Variants in ABCF3 observed in about 807,000 individuals in gnomAD.
The protein encoded by ABCF3 is ATP-binding cassette sub-family F member 3.
ABCF3 carries 62 observed loss-of-function variants against 94.3 expected under a neutral mutation model. The ratio of observed to expected loss-of-function variants is 0.66; its 90% CI spans 0.54 to 0.81. The LOEUF is 0.81. Ranked by LOEUF, ABCF3 falls within the 40% of genes least tolerant of loss-of-function variation. ABCF3 has a pLI of 0.00. For missense variants in ABCF3, 843 were observed against 925.3 expected (o/e 0.91, Z 1.15); for synonymous variants, 355 against 361.1 (o/e 0.98, Z 0.19).
At position 184,192,890 on chromosome 3, in the gene ABCF3, T is replaced by C; in HGVS notation, c.1744T>C (p.Phe582Leu). The C allele has an allele frequency of 2.5e-6, 4 of 1,614,040 alleles. No individual in the cohort carries two copies. The highest frequency in any genetic ancestry group is 3.4e-6 in the Non-Finnish European group (4 of 1,179,966). ...VSAVELLARKFPGRPEEEYRH... is the reference protein window; with the variant it reads ...VSAVELLARKLPGRPEEEYRH... ...TGCTGTGGAACTGCTGGCACGCAAG[T>C]TTCCTGGTGAGTTAGGGATTTGAGT... The change falls in exon 18 of 21, where the codon TTT becomes CTT. Residue 582 changes from phenylalanine (F) to leucine (L), a missense_variant. Transcript: ENST00000429586.
intron 3 of ABCF3, 198 bp from the exon 4 acceptor site, chr3:184,187,199 T>G (rs769596134): frequency 9.9e-6 from 7 of 708,110 alleles, no homozygotes; most frequent in Non-Finnish European, 1.7e-5. Flanking sequence ...TGTCTATGCC[T>G]CTGTATCCTT....
intron 7 of ABCF3, 38 bp downstream of exon 7, chr3:184,188,445 G>A: frequency 6.3e-7 from 1 of 1,580,282 alleles, no homozygotes; most frequent in South Asian, 1.1e-5. Context: ...AGCAGCCGCT[G>A]TCGCTTACAG....
chr3:184,186,732 T>C (rs55940723), intron 2 of ABCF3, 64 bp from the exon 3 acceptor site: 235,805 of 1,591,778 alleles, frequency 0.15, 19,230 homozygotes, highest in South Asian at 0.17. Context: ...GGGAGGAAGA[T>C]CTGATGGCCA....
chr3:184,188,753 C>A lies in ABCF3; in HGVS notation c.837-8C>A. On this transcript the variant is annotated splice_region_variant and splice_polypyrimidine_tract_variant and intron_variant, in intron 7 of 20. Transcript: ENST00000429586. ...GCTTAGGCCAATTGCTGTTTCTCCTCCCTCCAGGGCGGAGGGCTCTGAAGC... is the reference window on the plus strand; with the variant it reads ...GCTTAGGCCAATTGCTGTTTCTCCTACCTCCAGGGCGGAGGGCTCTGAAGC... 1 of 1,613,626 alleles carries A rather than the reference C, an allele frequency of 6.2e-7. No individual in the cohort carries two copies. The highest frequency in any genetic ancestry group is 8.5e-7 in the Non-Finnish European group (1 of 1,179,688).
At chr3:184,187,531 G>A (rs1397879269) in intron 4 of ABCF3, 88 bp downstream of exon 4, 16 of 1,545,282 alleles carry the variant, frequency 1.0e-5, no homozygotes, top group Non-Finnish European at 1.4e-5. Context: ...GGGGATTTCT[G>A]ACTATGTCTT....
intron 14 of ABCF3, 192 bp downstream of exon 14, chr3:184,190,123 A>G: frequency 1.6e-6 from 1 of 610,632 alleles, no homozygotes. Flanking sequence ...CATGGCAACC[A>G]CTAATTTACT....
Position 184,193,591 on chromosome 3 carries a change from C to T in ABCF3, c.2023C>T (p.Arg675Trp), listed in dbSNP as rs752765756. ...TGAGCGCTTTATCAGGCTGGTGTGC[C>T]GGGAGTTGTGGGTATGCGAAGGAGG... ...HDERFIRLVCRELWVCEGGGV... is the reference protein window; with the variant it reads ...HDERFIRLVCWELWVCEGGGV... Residue 675 changes from arginine to tryptophan, a missense_variant, in exon 21 of 21, where the codon CGG (arginine) becomes TGG (tryptophan). Physicochemically the swap from Arg to Trp is moderately radical, Grantham distance 101. Transcript: ENST00000429586. This position sits in a 1 kb window ranked among gnomAD's most constrained non-coding sequence, Gnocchi z 5.2. 15 of 1,614,056 alleles carry T rather than the reference C, an allele frequency of 9.3e-6. No individual in the cohort carries two copies. Among genetic ancestry groups the T allele is most frequent in the Admixed American group, 1.7e-5 (1 of 60,002 alleles).
chr3:184,193,996 TC>T lies in ABCF3; in HGVS notation c.*302del. 6.0e-6 allele frequency: 2 copies of T among 332,956 alleles called. No homozygotes were observed. The highest frequency in any genetic ancestry group is 1.1e-5 in the Non-Finnish European group (2 of 180,864). 20.6% of individuals were successfully genotyped at this position (332,956 alleles called of 1,614,324 possible). On this transcript the variant is annotated 3_prime_UTR_variant, in exon 21 of 21. Transcript: ENST00000429586. The surrounding 1 kb of genome is among the most constrained non-coding windows in gnomAD (Gnocchi z 5.2). The stretch of plus-strand genomic sequence containing the variant: ...GTGGCTGCTATGTAAATTAAATCTC[TC>T]CCCGCGTCTCCTTTGCCTCATGTCT...
In ABCF3 at chr3:184,191,749, C is replaced by CTTTTTTTTTTT. The variant is rs375009324; in HGVS notation, c.1569+498_1569+508dup. On this transcript the variant is annotated intron_variant, in intron 16 of 20. Coordinates refer to ENST00000429586, the MANE Select transcript of ABCF3 (RefSeq NM_018358.3). ...GCATTTTTCTGTAGAGTTAGAGTTCCTTTTTTTTTTTTTTCGGAGACAGAG... is the reference window on the plus strand; with the variant it reads ...GCATTTTTCTGTAGAGTTAGAGTTCCTTTTTTTTTTTTTTTTTTTTTTTTTCGGAGACAGAG... Among the ~76,000 whole-genome samples, 21 of 114,708 alleles carry CTTTTTTTTTTT rather than the reference C, an allele frequency of 1.8e-4. 2 individuals carry two copies. Among genetic ancestry groups the CTTTTTTTTTTT allele is most frequent in the African/African-American group, 5.5e-4 (15 of 27,274 alleles). The allele number at this position is 114,708 out of a possible 152,430, so 75.3% of individuals were successfully genotyped here. A position where few individuals can be genotyped will look rare whatever the true frequency, so the allele number is the denominator to read the frequency against.
intron 3 of ABCF3, 72 bp from the exon 4 acceptor site, chr3:184,187,325 C>T (rs1300902646): frequency 6.4e-7 from 1 of 1,560,512 alleles, no homozygotes; most frequent in Non-Finnish European, 8.8e-7. Context: ...GTGCCTGGTT[C>T]CTATTAGTCA....
chr3:184,187,221 T>G, intron 3 of ABCF3, 176 bp from the exon 4 acceptor site: 3 of 696,644 alleles, frequency 4.3e-6, no homozygotes, highest in East Asian at 6.2e-5. Flanking sequence ...TACGTGAGTT[T>G]TGTTTTGTTT....
chr3:184,187,415 C>G lies in ABCF3; in HGVS notation c.320C>G (p.Pro107Arg). ...CTTACAGACTGTGGAACCAAACTTC[C>G]AGGACTGCTAAAGAGGGAACAGTCC... ...TENYDCGTKL[P>R]GLLKREQSST... Residue 107 changes from proline to arginine, a missense_variant, in exon 4 of 21, where the codon CCA becomes CGA. By Grantham distance (103) the Pro-to-Arg change is moderately radical. Coordinates refer to ENST00000429586, the MANE Select transcript of ABCF3 (RefSeq NM_018358.3). 1 of 1,613,772 alleles carries G rather than the reference C, an allele frequency of 6.2e-7. No individual in the cohort carries two copies. Among genetic ancestry groups the G allele is most frequent in the South Asian group, 1.1e-5 (1 of 91,074 alleles).
In ABCF3 at chr3:184,189,949, G is replaced by T; in HGVS notation, c.1391+18G>T. 4 of 1,613,592 alleles carry T rather than the reference G, an allele frequency of 2.5e-6. No individual in the cohort carries two copies. Among genetic ancestry groups the T allele is most frequent in the Non-Finnish European group, 3.4e-6 (4 of 1,179,506 alleles). ...GAGAAGCTGTGAGTACAGCATCCTT[G>T]GCCAGGGCCTGACTCCTGTTCTCTT... On this transcript the variant is annotated intron_variant, in intron 14 of 20. Coordinates refer to ENST00000429586, the MANE Select transcript of ABCF3 (RefSeq NM_018358.3).
chr3:184,186,721 G>A, intron 2 of ABCF3, 67 bp downstream of exon 2: 2 of 1,591,512 alleles, frequency 1.3e-6, no homozygotes. Flanking sequence ...ACAAGAGGTG[G>A]GGGAGGAAGA....
chr3:184,189,320 G>T (rs1253232271), intron 11 of ABCF3, 43 bp downstream of exon 11: 3 of 1,614,200 alleles, frequency 1.9e-6, no homozygotes, highest in Non-Finnish European at 8.5e-7. Context: ...ATGGGCAGGG[G>T]TGGTAGCATC....
In ABCF3 at chr3:184,193,874, A is replaced by G. The variant is rs1476654206; in HGVS notation, c.*176A>G. 2 of 828,834 alleles carry G rather than the reference A, an allele frequency of 2.4e-6. No homozygotes were observed. The highest frequency in any genetic ancestry group is 6.3e-5 in the Admixed American group (2 of 31,708). The allele number at this position is 828,834 out of a possible 1,614,324, so 51.3% of individuals were successfully genotyped here. A position where few individuals can be genotyped will look rare whatever the true frequency, so the allele number is the denominator to read the frequency against. On this transcript the variant is annotated 3_prime_UTR_variant, in exon 21 of 21. Transcript: ENST00000429586. The surrounding 1 kb of genome is among the most constrained non-coding windows in gnomAD (Gnocchi z 5.2). ...CTGCACAACCTTGGGAGCCCATCCA[A>G]GGGTTGGTGAGGACTGGTCTCCCGG...
intron 11 of ABCF3, 46 bp downstream of exon 11, chr3:184,189,323 G>A: frequency 1.2e-6 from 2 of 1,614,156 alleles, no homozygotes; most frequent in Non-Finnish European, 1.7e-6. Flanking sequence ...GGCAGGGGTG[G>A]TAGCATCCAA....
rs1209556706 is a variant in ABCF3, at chr3:184,188,250, A to T, written c.679A>T (p.Ser227Cys). The T allele has an allele frequency of 6.2e-7, 1 of 1,614,172 alleles. No individual in the cohort carries two copies. The highest frequency in any genetic ancestry group is 1.1e-5 in the South Asian group (1 of 91,086). The stretch of plus-strand genomic sequence containing the variant: ...GTTACTGAAGATGCTGGCCACCCGG[A>T]GTCTGCGGGTTCCAGCCCACATTTC... ...TTLLKMLATR[S>C]LRVPAHISLL... Residue 227 changes from serine (S) to cysteine (C), a missense_variant, in exon 7 of 21, where the codon AGT becomes TGT. Coordinates refer to ENST00000429586, the MANE Select transcript of ABCF3 (RefSeq NM_018358.3).
Position 184,186,568 on chromosome 3 carries a change from G to T in ABCF3, c.135G>T (p.Gly45=). 1.2e-6 allele frequency: 2 copies of T among 1,614,090 alleles called. No homozygotes were observed. The highest frequency in any genetic ancestry group is 1.7e-6 in the Non-Finnish European group (2 of 1,179,978). The stretch of plus-strand genomic sequence containing the variant: ...TGGATGACCTGGTGGAAGCTGTAGG[G>T]GAACTATTGCAAGAGGTGTCCGGGG... ...ESVDDLVEAV[G]ELLQEVSGDS... is the part of the protein sequence containing the mutation. Residue 45 remains glycine, a synonymous_variant, in exon 2 of 21, where the codon GGG becomes GGT. Transcript: ENST00000429586.
Sources: gnomAD v4.1 joint callset for allele counts (sites outside exome capture counted in the v4.1 genomes callset) on GRCh38, gnomAD v4.1.1 for gene constraint, Gnocchi (gnomAD v3.1) non-coding constraint, MANE v1.5 for transcripts, NCBI Gene and HGNC (gene_info 2026-07-23, HGNC 2026-07-21) for gene names.